The following CNTNAP2 variants were observed in gnomAD, a reference collection of about 807,000 sequenced individuals.
CNTNAP2 encodes the protein contactin-associated protein-like 2.
Under a neutral mutation model 155.2 loss-of-function variants are expected in CNTNAP2, and 98 were observed. The ratio of observed to expected loss-of-function variants is 0.63; its 90% CI spans 0.54 to 0.75. The LOEUF (loss-of-function observed/expected upper bound fraction) is 0.75. CNTNAP2 is among the 30% of genes least tolerant of loss of function. The pLI is 0.00. For missense variants in CNTNAP2, 1,727 were observed against 1,688.1 expected (o/e 1.02, Z -0.40); for synonymous variants, 651 against 631.2 (o/e 1.03, Z -0.47).
intron 13 of CNTNAP2, among the ~76,000 whole-genome samples, chr7:147,781,773 C>T (rs1797664732): frequency 6.6e-6 from 1 of 152,172 alleles, no homozygotes; most frequent in Non-Finnish European, 1.5e-5. Flanking sequence ...CCGGTAATCC[C>T]AGCACTTTGG....
intron 1 of CNTNAP2, among the ~76,000 whole-genome samples, chr7:146,459,568 T>G (rs1796606760): frequency 6.6e-6 from 1 of 152,154 alleles, no homozygotes; most frequent in Non-Finnish European, 1.5e-5. Flanking sequence ...TGTCAGAGAA[T>G]AAAATACTTC....
At chr7:148,351,152 A>G (rs1228559196) in intron 21 of CNTNAP2, among the ~76,000 whole-genome samples, 2 of 152,160 alleles carry the variant, frequency 1.3e-5, no homozygotes, top group African/African-American at 4.8e-5. Context: ...TGATAAGGCA[A>G]CTTATCACGT....
intron 13 of CNTNAP2, chr7:147,849,905 A>C (rs142934271): frequency 6.6e-6 from 1 of 152,358 alleles, no homozygotes; most frequent in African/African-American, 2.4e-5. Flanking sequence ...TACCATCCCG[A>C]ATATGCCTGA....
In CNTNAP2 at chr7:147,261,709, G is replaced by A. The variant is rs118130843; in HGVS notation, c.1349-38432G>A. ...AAAATAAAAAATCCATGAATATTCAGTGATACAAATGGTTAGCAGAAGACA... is the reference window on the plus strand; with the variant it reads ...AAAATAAAAAATCCATGAATATTCAATGATACAAATGGTTAGCAGAAGACA... On this transcript the variant is annotated intron_variant, in intron 8 of 23. Coordinates refer to ENST00000361727, the MANE Select transcript of CNTNAP2 (RefSeq NM_014141.6). 6.7e-3 allele frequency among the ~76,000 whole-genome samples: 1,026 copies of A among 152,260 alleles called. 6 individuals carry two copies. Among genetic ancestry groups the A allele is most frequent in the Middle Eastern group, 0.017 (5 of 294 alleles).
intron 19 of CNTNAP2, 139 bp downstream of exon 19, chr7:148,217,663 C>T: frequency 1.1e-6 from 1 of 924,634 alleles, no homozygotes; most frequent in South Asian, 1.5e-5. Flanking sequence ...TTCTTTGAAC[C>T]CCATTTCTCT....
chr7:148,167,343 TG>T (rs1805687686), intron 17 of CNTNAP2, among the ~76,000 whole-genome samples: 1 of 152,146 alleles, frequency 6.6e-6, no homozygotes, highest in South Asian at 2.1e-4. Flanking sequence ...TTCACCATGC[TG>T]GCCAGGCTGG....
chr7:146,362,040 C>T (rs1424002926), intron 1 of CNTNAP2, among the ~76,000 whole-genome samples: 1 of 152,124 alleles, frequency 6.6e-6, no homozygotes, highest in Admixed American at 6.5e-5. Flanking sequence ...CTTTTACTCT[C>T]GCCTCCTCTT....
At chr7:147,028,959 C>CTTTTTTTT (rs397889433) in intron 3 of CNTNAP2, among the ~76,000 whole-genome samples, 4 of 103,744 alleles carry the variant, frequency 3.9e-5, no homozygotes, top group African/African-American at 1.7e-4. Flanking sequence ...AAGATATGTT[C>CTTTTTTTT]TTTTTTTTTT....
intron 1 of CNTNAP2, among the ~76,000 whole-genome samples, chr7:146,457,551 A>G (rs1796575583): frequency 1.5e-5 from 2 of 130,498 alleles, no homozygotes; most frequent in South Asian, 2.4e-4. Flanking sequence ...CCCAGGCTGG[A>G]GTGGTGCAGT....
chr7:146,308,417 T>A lies in CNTNAP2; in HGVS notation c.97+191444T>A, dbSNP rs554397014. Among the ~76,000 whole-genome samples the A allele has an allele frequency of 7.2e-5, 11 of 152,308 alleles. No homozygotes were observed. In the South Asian group the frequency reaches 2.3e-3, roughly 32 times the overall value. On this transcript the variant is annotated intron_variant, in intron 1 of 23. Coordinates refer to ENST00000361727, the MANE Select transcript of CNTNAP2 (RefSeq NM_014141.6). Reference sequence around the variant, plus strand: ...AGTTCAACCATTGTGGAAGACAGTGTGGCGATTCCTCAGGGATCTAGAACT... The same window carrying A: ...AGTTCAACCATTGTGGAAGACAGTGAGGCGATTCCTCAGGGATCTAGAACT...
At chr7:147,327,476 TC>T (rs1192656112) in intron 9 of CNTNAP2, among the ~76,000 whole-genome samples, 4 of 152,210 alleles carry the variant, frequency 2.6e-5, no homozygotes, top group African/African-American at 7.2e-5. Flanking sequence ...TAAATTGCAA[TC>T]ACTGCTTTTG....
At chr7:147,432,428 C>T (rs576470143) in intron 10 of CNTNAP2, among the ~76,000 whole-genome samples, 1 of 152,298 alleles carries the variant, frequency 6.6e-6, no homozygotes, top group African/African-American at 2.4e-5. Context: ...CTGAAGTTTT[C>T]TACCAAGGAA....
chr7:147,417,314 C>A (rs1324997958), intron 10 of CNTNAP2, among the ~76,000 whole-genome samples: 10 of 152,252 alleles, frequency 6.6e-5, no homozygotes, highest in African/African-American at 2.2e-4. Context: ...GAGTTGAAAG[C>A]GCTGGCAGAT....
intron 5 of CNTNAP2, among the ~76,000 whole-genome samples, chr7:147,119,720 G>T (rs1801064003): frequency 6.6e-6 from 1 of 152,004 alleles, no homozygotes; most frequent in Admixed American, 6.6e-5. Flanking sequence ...AGAAAGGAAG[G>T]AAGGAAGGAA....
chr7:147,044,929 C>T (rs1283804480), intron 4 of CNTNAP2, among the ~76,000 whole-genome samples: 2 of 152,000 alleles, frequency 1.3e-5, no homozygotes, highest in Non-Finnish European at 2.9e-5. Context: ...TATATCTTTG[C>T]TTATTTGCTT....
intron 21 of CNTNAP2, among the ~76,000 whole-genome samples, chr7:148,322,136 T>C (rs1797799676): frequency 6.6e-6 from 1 of 152,086 alleles, no homozygotes; most frequent in African/African-American, 2.4e-5. Context: ...TCGGCCAGGC[T>C]GCTCTCGAAC....
intron 14 of CNTNAP2, among the ~76,000 whole-genome samples, chr7:147,925,060 A>G (rs982459735): frequency 4.0e-5 from 6 of 151,590 alleles, no homozygotes; most frequent in Non-Finnish European, 8.8e-5. Context: ...CAGAGGTTGC[A>G]GTGAGCCAAG....
intron 1 of CNTNAP2, among the ~76,000 whole-genome samples, chr7:146,536,688 T>G: frequency 6.6e-6 from 1 of 151,518 alleles, no homozygotes; most frequent in East Asian, 1.9e-4. Context: ...TGTACTTGTA[T>G]CACTTGTTTA....
At chr7:147,821,725 G>A (rs1312330415) in intron 13 of CNTNAP2, among the ~76,000 whole-genome samples, 2 of 152,112 alleles carry the variant, frequency 1.3e-5, no homozygotes, top group African/African-American at 4.8e-5. Context: ...AGGAAAGAAG[G>A]CAAGGTGGAA....
Sources: allele counts gnomAD v4.1 joint callset (sites outside exome capture counted in the v4.1 genomes callset), GRCh38; gene constraint gnomAD v4.1.1; transcripts MANE v1.5; gene names NCBI Gene and HGNC (gene_info 2026-07-23, HGNC 2026-07-21).